The following TCF4 variants were observed in gnomAD, a reference collection of about 807,000 sequenced individuals.
TCF4 encodes transcription factor 4, also known as SL3-3 enhancer factor 2.
A neutral mutation model predicts 82.1 loss-of-function variants in TCF4; 3 were observed. That is an observed-to-expected ratio of 0.04 (90% confidence interval 0.02 to 0.09). The LOEUF is 0.09. Among genes scored for constraint, TCF4 ranks in the 10% least tolerant of loss-of-function variants. The probability of loss-of-function intolerance (pLI) is 1.00; values close to 1 mark genes in which losing one functional copy is unlikely to be tolerated. For missense variants in TCF4, 518 were observed against 852.7 expected, an observed-to-expected ratio of 0.61 and a Z score of 4.89; for synonymous variants, 276 against 309.6, an observed-to-expected ratio of 0.89 and a Z score of 1.14.
At chr18:55,336,531 A>C (rs1336243927) in intron 8 of TCF4, among the ~76,000 whole-genome samples, 1 of 152,160 alleles carries the variant, frequency 6.6e-6, no homozygotes, top group Non-Finnish European at 1.5e-5. Context: ...GCAATCGAGT[A>C]ATTTCAGAGT....
rs184173469 is a variant in TCF4, at chr18:55,404,616, C to T, written c.305-1098G>A. ...ATTTCCTTCTGAAGTTTACAACCCCCAAGTTTTCCCCTCTCAACTCAACAC... is the reference window on the plus strand; with the variant it reads ...ATTTCCTTCTGAAGTTTACAACCCCTAAGTTTTCCCCTCTCAACTCAACAC... On this transcript the variant is annotated intron_variant, in intron 5 of 19. Transcript: ENST00000354452. 7.0e-4 allele frequency among the ~76,000 whole-genome samples: 106 copies of T among 152,276 alleles called. No homozygotes were observed. In the South Asian group the frequency reaches 7.5e-3, roughly 11 times the overall value.
At chr18:55,526,837 G>A (rs1053535958) in intron 3 of TCF4, among the ~76,000 whole-genome samples, 1 of 152,004 alleles carries the variant, frequency 6.6e-6, no homozygotes, top group Non-Finnish European at 1.5e-5. Flanking sequence ...CCTTTGCTGG[G>A]TCACAAAATC....
At chr18:55,376,965 C>T (rs1384278655) in intron 6 of TCF4, among the ~76,000 whole-genome samples, 1 of 152,184 alleles carries the variant, frequency 6.6e-6, no homozygotes, top group Non-Finnish European at 1.5e-5. Flanking sequence ...ATTAACGTGG[C>T]CAGTAGGAAA....
intron 3 of TCF4, among the ~76,000 whole-genome samples, chr18:55,468,165 T>C (rs1013413026): frequency 1.2e-4 from 18 of 152,126 alleles, no homozygotes; most frequent in African/African-American, 4.3e-4. Context: ...CAACACAAAA[T>C]ATACGAAATC....
intron 5 of TCF4, among the ~76,000 whole-genome samples, chr18:55,414,408 T>C (rs1472479984): frequency 6.6e-6 from 1 of 152,178 alleles, no homozygotes; most frequent in East Asian, 1.9e-4. Context: ...TGGAAGTTTT[T>C]ATGGCTTTTG....
At chr18:55,386,321 C>T (rs942605380) in intron 6 of TCF4, among the ~76,000 whole-genome samples, 10 of 152,326 alleles carry the variant, frequency 6.6e-5, no homozygotes, top group South Asian at 6.2e-4. Flanking sequence ...CAGCAAAATA[C>T]GCCAATATCA....
At chr18:55,360,862 G>A (rs2084963265) in intron 6 of TCF4, among the ~76,000 whole-genome samples, 1 of 151,322 alleles carries the variant, frequency 6.6e-6, no homozygotes, top group African/African-American at 2.4e-5. Flanking sequence ...CGAGTAGCTG[G>A]GCTACAGGTG....
intron 17 of TCF4, 137 bp from the exon 18 acceptor site, chr18:55,229,213 C>T: frequency 2.2e-6 from 2 of 918,432 alleles, no homozygotes; most frequent in Non-Finnish European, 3.5e-6. Flanking sequence ...TTTATATCCA[C>T]TTGACCTTGG....
intron 5 of TCF4, among the ~76,000 whole-genome samples, chr18:55,418,191 T>C (rs1232317370): frequency 6.6e-6 from 1 of 152,108 alleles, no homozygotes; most frequent in Non-Finnish European, 1.5e-5. Flanking sequence ...TTCATTTCCC[T>C]AAACTATTTT....
intron 8 of TCF4, among the ~76,000 whole-genome samples, chr18:55,296,098 C>T (rs1320854212): frequency 2.0e-5 from 3 of 150,918 alleles, no homozygotes; most frequent in African/African-American, 7.3e-5. Flanking sequence ...AGGAAAAGTA[C>T]ATTAAAGTGT....
intron 6 of TCF4, among the ~76,000 whole-genome samples, chr18:55,400,589 C>T (rs921188751): frequency 1.1e-4 from 16 of 152,004 alleles, no homozygotes; most frequent in African/African-American, 3.4e-4. Context: ...AAGAACCTGC[C>T]GGCTTTCATT....
At chr18:55,394,560 T>G (rs1394923659) in intron 6 of TCF4, among the ~76,000 whole-genome samples, 1 of 152,204 alleles carries the variant, frequency 6.6e-6, no homozygotes, top group Non-Finnish European at 1.5e-5. Context: ...TCTGGTGAAG[T>G]GCCGGGCGAA....
At chr18:55,578,175 G>A (rs919992312) in intron 3 of TCF4, among the ~76,000 whole-genome samples, 2 of 152,060 alleles carry the variant, frequency 1.3e-5, no homozygotes, top group African/African-American at 2.4e-5. Context: ...ATTAGAACAC[G>A]TGATGACAAG....
Position 55,566,074 on chromosome 18 carries a change from G to A in TCF4, c.145+19206C>T, listed in dbSNP as rs1347049102. Among the ~76,000 whole-genome samples the A allele has an allele frequency of 6.6e-5, 10 of 151,214 alleles. No individual in the cohort carries two copies. The South Asian group carries it at 8.4e-4, about 13-fold the overall frequency. ...AAAAAAAAAAAAAAATTAGCCCGGC[G>A]TGGTGACGGGTGCCTGTAGTCCCAG... On this transcript the variant is annotated intron_variant, in intron 3 of 19. Coordinates refer to ENST00000354452, the MANE Select transcript of TCF4 (RefSeq NM_001083962.2).
intron 5 of TCF4, chr18:55,403,957 T>A (rs892744208): frequency 1.5e-6 from 2 of 1,310,034 alleles, no homozygotes; most frequent in African/African-American, 3.0e-5. Context: ...GCTCTCCAGA[T>A]GGTGAATTTA....
intron 2 of TCF4, among the ~76,000 whole-genome samples, chr18:55,594,493 GA>G (rs755802420): frequency 3.3e-5 from 5 of 152,142 alleles, no homozygotes; most frequent in Non-Finnish European, 7.4e-5. Flanking sequence ...AATGAATGAA[GA>G]ATCTGTCTGT....
chr18:55,301,290 C>T (rs779789290), intron 8 of TCF4, among the ~76,000 whole-genome samples: 3 of 152,138 alleles, frequency 2.0e-5, no homozygotes, highest in Admixed American at 6.5e-5. Flanking sequence ...AGGTAAAATC[C>T]GTCTCTTATT....
intron 3 of TCF4, among the ~76,000 whole-genome samples, chr18:55,503,075 C>A (rs911476309): frequency 2.6e-5 from 4 of 152,098 alleles, no homozygotes; most frequent in Admixed American, 6.5e-5. Context: ...TTTGGAACTG[C>A]CTTAGTTACT....
At chr18:55,273,525 AT>A in intron 10 of TCF4, among the ~76,000 whole-genome samples, 2 of 152,280 alleles carry the variant, frequency 1.3e-5, no homozygotes, top group Non-Finnish European at 2.9e-5. Flanking sequence ...TCAGTAAAAG[AT>A]TTTCACATGG....
Sources: allele counts gnomAD v4.1 joint callset (sites outside exome capture counted in the v4.1 genomes callset), GRCh38; gene constraint gnomAD v4.1.1; transcripts MANE v1.5; gene names NCBI Gene and HGNC (gene_info 2026-07-23, HGNC 2026-07-21).